GMPS: variants seen among roughly 807,000 people sequenced by gnomAD.
GMPS encodes GMP synthase [glutamine-hydrolyzing].
GMPS carries 15 observed loss-of-function variants against 77.9 expected under a neutral mutation model. That is an observed-to-expected ratio of 0.19 (90% CI 0.13 to 0.30). The LOEUF is 0.30. Among genes scored for constraint, GMPS ranks in the 10% least tolerant of loss-of-function variants. GMPS has a pLI of 1.00. For missense variants in GMPS, 590 were observed against 838.8 expected (o/e 0.70, Z 3.66); for synonymous variants, 224 against 275.9 (o/e 0.81, Z 1.86).
intron 7 of GMPS, among the ~76,000 whole-genome samples, chr3:155,912,581 G>A (rs1253555949): frequency 6.6e-6 from 1 of 152,192 alleles, no homozygotes; most frequent in Non-Finnish European, 1.5e-5. Context: ...CTTAGTATGG[G>A]TTTAGTGGTA....
In GMPS at chr3:155,941,059, A is replaced by AT. The variant is rs1380516109; in HGVS notation, c.*3369dup. 1 of 191,100 alleles carries AT rather than the reference A, an allele frequency of 5.2e-6. No homozygotes were observed. Among genetic ancestry groups the AT allele is most frequent in the Non-Finnish European group, 1.1e-5 (1 of 91,154 alleles). The allele number at this position is 191,100 out of a possible 1,614,324, so 11.8% of individuals were successfully genotyped here. ...CTAGAGCTAGAATCCAAGCTTTCTGATTCTCTGCATGGAAGAGGAAATGCT... is the reference window on the plus strand; with the variant it reads ...CTAGAGCTAGAATCCAAGCTTTCTGATTTCTCTGCATGGAAGAGGAAATGCT... On this transcript the variant is annotated 3_prime_UTR_variant, in exon 16 of 16. Coordinates refer to ENST00000496455, the MANE Select transcript of GMPS (RefSeq NM_003875.3).
intron 7 of GMPS, among the ~76,000 whole-genome samples, chr3:155,911,712 G>A (rs374717671): frequency 1.2e-3 from 175 of 151,864 alleles, no homozygotes; most frequent in African/African-American, 3.6e-3. Flanking sequence ...GGTGGTGGGC[G>A]CCTGTGATCC....
chr3:155,934,241 T>G (rs1312766685), intron 13 of GMPS, among the ~76,000 whole-genome samples: 1 of 152,230 alleles, frequency 6.6e-6, no homozygotes, highest in Non-Finnish European at 1.5e-5. Flanking sequence ...TTCCTAGGAC[T>G]ACCCATAACA....
At chr3:155,903,834 TA>T in intron 3 of GMPS, 28 bp from the exon 4 acceptor site, 1 of 921,886 alleles carries the variant, frequency 1.1e-6, no homozygotes, top group Non-Finnish European at 1.6e-6. Context: ...TTTTGATTTC[TA>T]TTAACATTAA....
intron 1 of GMPS, among the ~76,000 whole-genome samples, chr3:155,876,395 C>T (rs1267663860): frequency 6.6e-6 from 1 of 152,136 alleles, no homozygotes; most frequent in Non-Finnish European, 1.5e-5. Flanking sequence ...GATGTGTTAC[C>T]AGTATTTGGC....
At chr3:155,885,476 A>G (rs73011111) in intron 1 of GMPS, among the ~76,000 whole-genome samples, 1,875 of 152,330 alleles carry the variant, frequency 0.012, 51 homozygotes, top group African/African-American at 0.043. Context: ...TGTTTATATG[A>G]CCAAATGTAG....
chr3:155,921,833 ATACTGTCT>A (rs1231631922), intron 10 of GMPS, among the ~76,000 whole-genome samples: 3 of 152,136 alleles, frequency 2.0e-5, no homozygotes, highest in Non-Finnish European at 4.4e-5. Context: ...AGAATTAAAC[ATACTGTCT>A]TATTTGAGCC....
chr3:155,918,381 G>A (rs896579397), intron 9 of GMPS, among the ~76,000 whole-genome samples: 13 of 152,224 alleles, frequency 8.5e-5, no homozygotes, highest in African/African-American at 3.1e-4. Flanking sequence ...GAACCTGGGA[G>A]GCAGAGGTTG....
intron 10 of GMPS, among the ~76,000 whole-genome samples, chr3:155,921,397 T>C (rs1400557535): frequency 6.6e-6 from 1 of 152,242 alleles, no homozygotes; most frequent in Non-Finnish European, 1.5e-5. Context: ...TAGTTAATTA[T>C]ACTGTCCTCT....
At chr3:155,898,289 A>G (rs1754649847) in intron 3 of GMPS, among the ~76,000 whole-genome samples, 3 of 152,190 alleles carry the variant, frequency 2.0e-5, no homozygotes, top group Admixed American at 1.3e-4. Context: ...AACCTTGGAC[A>G]TGCAAATTTA....
chr3:155,911,299 A>G lies in GMPS; in HGVS notation c.886+20A>G, dbSNP rs781110042. ...TCAAAGGTATTGAAGAACCTCAGAA[A>G]AGTTAACTTACATGTTAGGACTTGT... On this transcript the variant is annotated intron_variant, in intron 7 of 15. Coordinates refer to ENST00000496455, the MANE Select transcript of GMPS (RefSeq NM_003875.3). 4 of 1,539,464 alleles carry G rather than the reference A, an allele frequency of 2.6e-6. No homozygotes were observed. In the African/African-American group the frequency reaches 5.5e-5, roughly 21 times the overall value.
At chr3:155,936,108 T>G (rs531117022) in intron 14 of GMPS, among the ~76,000 whole-genome samples, 11 of 152,332 alleles carry the variant, frequency 7.2e-5, no homozygotes, top group Non-Finnish European at 1.5e-4. Context: ...TGTTTCTGTT[T>G]ACAGCACATC....
chr3:155,917,121 G>A (rs1358403245), intron 9 of GMPS, among the ~76,000 whole-genome samples: 5 of 151,938 alleles, frequency 3.3e-5, no homozygotes, highest in Admixed American at 2.0e-4. Flanking sequence ...TTACAGGCAT[G>A]CGCCACGAGG....
chr3:155,922,373 A>G, intron 11 of GMPS, 71 bp downstream of exon 11: 1 of 603,920 alleles, frequency 1.7e-6, no homozygotes, highest in Non-Finnish European at 2.8e-6. Context: ...ATTTATAATG[A>G]ATTTTTTAGG....
chr3:155,915,028 G>A (rs573292174), intron 8 of GMPS, among the ~76,000 whole-genome samples: 3 of 151,942 alleles, frequency 2.0e-5, no homozygotes, highest in East Asian at 1.9e-4. Flanking sequence ...TCAGCCTCCC[G>A]AACTTCTGGG....
chr3:155,915,189 A>G (rs559332063), intron 8 of GMPS, among the ~76,000 whole-genome samples: 11 of 151,246 alleles, frequency 7.3e-5, no homozygotes, highest in Admixed American at 2.0e-4. Flanking sequence ...GATTATCTCA[A>G]TGGCTAATTT....
intron 5 of GMPS, among the ~76,000 whole-genome samples, 171 bp from the exon 6 acceptor site, chr3:155,910,521 A>C (rs1223219972): frequency 6.7e-6 from 1 of 149,750 alleles, no homozygotes; most frequent in African/African-American, 2.5e-5. Flanking sequence ...GTGAGCCGAG[A>C]TCATGCCACT....
At chr3:155,901,315 A>T (rs1451077557) in intron 3 of GMPS, among the ~76,000 whole-genome samples, 2 of 152,072 alleles carry the variant, frequency 1.3e-5, no homozygotes, top group African/African-American at 4.8e-5. Context: ...TGGTTTTGAG[A>T]TTCATTCATG....
chr3:155,899,818 A>G (rs1231886781), intron 3 of GMPS, among the ~76,000 whole-genome samples: 1 of 152,106 alleles, frequency 6.6e-6, no homozygotes, highest in Non-Finnish European at 1.5e-5. Flanking sequence ...TGCCTTTTTC[A>G]GCATGTCATG....
Sources: gnomAD v4.1 joint callset for allele counts (sites outside exome capture counted in the v4.1 genomes callset) on GRCh38, gnomAD v4.1.1 for gene constraint, MANE v1.5 for transcripts, NCBI Gene and HGNC (gene_info 2026-07-23, HGNC 2026-07-21) for gene names.